Variants in BCAS3 observed in about 807,000 individuals in gnomAD.
BCAS3 encodes the protein BCAS3 microtubule associated cell migration factor.
BCAS3 carries 53 observed loss-of-function variants against 116.1 expected under a neutral mutation model. The ratio of observed to expected loss-of-function variants is 0.46; its 90% CI spans 0.37 to 0.57. The LOEUF (loss-of-function observed/expected upper bound fraction) is 0.57. BCAS3 is among the 20% of genes least tolerant of loss of function. BCAS3 has a pLI of 0.00. For synonymous variants in BCAS3, 391 were observed against 408.2 expected, an observed-to-expected ratio of 0.96 and a Z score of 0.51; for missense variants, 917 against 1,165.4, an observed-to-expected ratio of 0.79 and a Z score of 3.10.
At chr17:60,738,943 T>G (rs1484787907) in intron 5 of BCAS3, among the ~76,000 whole-genome samples, 2 of 152,124 alleles carry the variant, frequency 1.3e-5, no homozygotes, top group Non-Finnish European at 2.9e-5. Context: ...GTTTTTTTCT[T>G]TTTTTATCTT....
At chr17:60,831,041 G>A (rs939352291) in intron 7 of BCAS3, among the ~76,000 whole-genome samples, 2 of 151,896 alleles carry the variant, frequency 1.3e-5, no homozygotes, top group African/African-American at 2.4e-5. Context: ...TCGGCTAGAC[G>A]GGGTTTTGTG....
chr17:60,865,556 T>C (rs1332611736), intron 7 of BCAS3, among the ~76,000 whole-genome samples: 1 of 152,232 alleles, frequency 6.6e-6, no homozygotes, highest in Non-Finnish European at 1.5e-5. Flanking sequence ...GCAAATACTT[T>C]CAGTTTCAAA....
At chr17:60,714,930 G>A (rs919486168) in intron 5 of BCAS3, among the ~76,000 whole-genome samples, 8 of 152,014 alleles carry the variant, frequency 5.3e-5, no homozygotes, top group African/African-American at 1.9e-4. Flanking sequence ...TGATTGTTAT[G>A]TGGGCGTTCC....
At chr17:60,871,339 A>C (rs1034549740) in intron 8 of BCAS3, among the ~76,000 whole-genome samples, 2 of 151,818 alleles carry the variant, frequency 1.3e-5, no homozygotes, top group African/African-American at 2.4e-5. Flanking sequence ...AATTTTTTTT[A>C]ACATTTTTTT....
chr17:61,294,630 G>T (rs1483492019), intron 22 of BCAS3, among the ~76,000 whole-genome samples: 1 of 152,192 alleles, frequency 6.6e-6, no homozygotes, highest in Non-Finnish European at 1.5e-5. Context: ...TCAGGCCCAG[G>T]CTGGGTAGCA....
At chr17:61,318,098 C>G (rs2054893747) in intron 22 of BCAS3, among the ~76,000 whole-genome samples, 1 of 152,230 alleles carries the variant, frequency 6.6e-6, no homozygotes, top group Non-Finnish European at 1.5e-5. Context: ...GCTAGAGCTA[C>G]ATGCCGCTCC....
chr17:60,999,434 A>T, intron 15 of BCAS3, among the ~76,000 whole-genome samples: 1 of 151,750 alleles, frequency 6.6e-6, no homozygotes, highest in Non-Finnish European at 1.5e-5. Flanking sequence ...CCAGCTACTC[A>T]GGAGGCTGAG....
In BCAS3 at chr17:61,087,100, G is replaced by C; in HGVS notation, c.2425+2536G>C. On this transcript the variant is annotated intron_variant, in intron 22 of 23. Transcript: ENST00000407086. The surrounding 1 kb of genome is among the most constrained non-coding windows in gnomAD (Gnocchi z 4.6). ...GGAAAATTTTGTTGTAGATTCTTCTGTTAAAAAGAATCTAATAAATTTTTA... is the reference window on the plus strand; with the variant it reads ...GGAAAATTTTGTTGTAGATTCTTCTCTTAAAAAGAATCTAATAAATTTTTA... 1 of 983,886 alleles carries C rather than the reference G, an allele frequency of 1.0e-6. No individual in the cohort carries two copies. Among genetic ancestry groups the C allele is most frequent in the Non-Finnish European group, 1.2e-6 (1 of 828,580 alleles). The allele number at this position is 983,886 out of a possible 1,614,324, so 60.9% of individuals were successfully genotyped here. A position where few individuals can be genotyped will look rare whatever the true frequency, so the allele number is the denominator to read the frequency against.
chr17:61,268,853 C>T (rs2049986627), intron 22 of BCAS3, among the ~76,000 whole-genome samples: 1 of 151,984 alleles, frequency 6.6e-6, no homozygotes, highest in African/African-American at 2.4e-5. Context: ...CCACCACATC[C>T]AGCCAGTAAT....
At chr17:60,801,426 C>T (rs566715236) in intron 6 of BCAS3, among the ~76,000 whole-genome samples, 30 of 151,540 alleles carry the variant, frequency 2.0e-4, no homozygotes, top group Non-Finnish European at 3.8e-4. Context: ...TGTAACCAAT[C>T]ATGTTATCTG....
At chr17:61,093,039 TG>T (rs201352007) in intron 22 of BCAS3, among the ~76,000 whole-genome samples, 2,845 of 151,504 alleles carry the variant, frequency 0.019, 88 homozygotes, top group African/African-American at 0.064. Context: ...CCCAAGTAGC[TG>T]GGACTACAGG....
intron 22 of BCAS3, among the ~76,000 whole-genome samples, chr17:61,301,363 G>A (rs1024372106): frequency 1.3e-5 from 2 of 152,210 alleles, no homozygotes; most frequent in Non-Finnish European, 2.9e-5. Flanking sequence ...GCCGGGCACG[G>A]TGACTCACGC....
rs1486563425 is a variant in BCAS3 at position 61,309,350 on chromosome 17, G to A, written c.2426-58977G>A. On this transcript the variant is annotated intron_variant, in intron 22 of 23. Transcript: ENST00000407086. The surrounding 1 kb of genome is among the most constrained non-coding windows in gnomAD (Gnocchi z 4.6). ...GGAGAGGCGGTGTCCATTTTTTGAC[G>A]GAACTGGTATGGGCAGATGAGCATG... 1.3e-5 allele frequency among the ~76,000 whole-genome samples: 2 copies of A among 152,014 alleles called. No individual in the cohort carries two copies. Among genetic ancestry groups the A allele is most frequent in the African/African-American group, 2.4e-5 (1 of 41,374 alleles).
intron 5 of BCAS3, among the ~76,000 whole-genome samples, chr17:60,711,086 G>T (rs1446430988): frequency 1.3e-5 from 2 of 151,806 alleles, no homozygotes; most frequent in Non-Finnish European, 2.9e-5. Flanking sequence ...ACAGGCATGA[G>T]CCACTGTGCC....
chr17:60,851,626 C>T, intron 7 of BCAS3: 1 of 681,058 alleles, frequency 1.5e-6, no homozygotes. Flanking sequence ...CAAAGGGGAG[C>T]AAAGGGAAAA....
intron 13 of BCAS3, among the ~76,000 whole-genome samples, chr17:60,929,573 TTTA>T (rs1019959813): frequency 9.2e-5 from 14 of 152,092 alleles, no homozygotes; most frequent in Non-Finnish European, 4.4e-5. Flanking sequence ...ATTTGTTTAT[TTTA>T]TTATTATTAT....
chr17:61,278,951 C>CTTT lies in BCAS3; in HGVS notation c.2426-89362_2426-89360dup, dbSNP rs869116570. ...ACACTAAAAGCCATTGAATTATGTA[C>CTTT]TTTTTTTTTTTTTTTTAAAGATGGA... On this transcript the variant is annotated intron_variant, in intron 22 of 23. Coordinates refer to ENST00000407086, the MANE Select transcript of BCAS3 (RefSeq NM_017679.5). This position sits in a 1 kb window ranked among gnomAD's most constrained non-coding sequence, Gnocchi z 5.8. 7.1e-6 allele frequency among the ~76,000 whole-genome samples: 1 copy of CTTT among 140,626 alleles called. No homozygotes were observed. Among genetic ancestry groups the CTTT allele is most frequent in the African/African-American group, 2.6e-5 (1 of 38,420 alleles). The allele number at this position is 140,626 out of a possible 152,430, so 92.3% of individuals were successfully genotyped here. A position where few individuals can be genotyped will look rare whatever the true frequency, so the allele number is the denominator to read the frequency against.
At chr17:60,931,400 T>C (rs1456794990) in intron 13 of BCAS3, among the ~76,000 whole-genome samples, 2 of 152,116 alleles carry the variant, frequency 1.3e-5, no homozygotes, top group Non-Finnish European at 2.9e-5. Flanking sequence ...CTCAGGCTCC[T>C]GAGTAGCTGA....
At chr17:60,959,191 C>T (rs1304777181) in intron 14 of BCAS3, among the ~76,000 whole-genome samples, 1 of 151,976 alleles carries the variant, frequency 6.6e-6, no homozygotes, top group Non-Finnish European at 1.5e-5. Flanking sequence ...TCTGTAGTCC[C>T]ACCTCCTTGG....
Sources: allele counts gnomAD v4.1 joint callset (sites outside exome capture counted in the v4.1 genomes callset), GRCh38; gene constraint gnomAD v4.1.1; non-coding constraint Gnocchi (gnomAD v3.1); transcripts MANE v1.5; gene names NCBI Gene and HGNC (gene_info 2026-07-23, HGNC 2026-07-21).